KCNK2: variants seen among roughly 807,000 people sequenced by gnomAD.
KCNK2 encodes the protein potassium channel subfamily K member 2.
A neutral mutation model predicts 40.5 loss-of-function variants in KCNK2; 21 were observed. The ratio of observed to expected loss-of-function variants is 0.52; its 90% CI spans 0.37 to 0.75. KCNK2 has a LOEUF of 0.75. Ranked by LOEUF, KCNK2 falls within the 30% of genes least tolerant of loss-of-function variation. KCNK2 has a pLI of 0.00. For synonymous variants in KCNK2, 191 were observed against 202.2 expected (o/e 0.94, Z 0.47); for missense variants, 399 against 531.6 (o/e 0.75, Z 2.45).
At chr1:215,028,030 A>T (rs1214853653) in intron 1 of KCNK2, among the ~76,000 whole-genome samples, 2 of 151,944 alleles carry the variant, frequency 1.3e-5, no homozygotes, top group Admixed American at 6.6e-5. Flanking sequence ...AAAAATATTA[A>T]TTTTTTTCTT....
chr1:215,024,945 G>GTTTT (rs376087335), intron 1 of KCNK2, among the ~76,000 whole-genome samples: 1 of 82,528 alleles, frequency 1.2e-5, no homozygotes, highest in African/African-American at 3.4e-5. Flanking sequence ...ATCTACAGGA[G>GTTTT]TTTTTTTTTT....
chr1:215,082,859 G>A lies in KCNK2; in HGVS notation c.-527G>A, dbSNP rs1421270811. On this transcript the variant is annotated 5_prime_UTR_variant, in exon 1 of 7. Transcript: ENST00000444842. ...CGGGGCACGGAGGGCATTGCGGGGGGAGACACACAAAGACATGCGAAGAGG... is the reference window on the plus strand; with the variant it reads ...CGGGGCACGGAGGGCATTGCGGGGGAAGACACACAAAGACATGCGAAGAGG... Among the ~76,000 whole-genome samples the A allele has an allele frequency of 4.6e-5, 7 of 151,960 alleles. No individual in the cohort carries two copies. Among genetic ancestry groups the A allele is most frequent in the Non-Finnish European group, 7.4e-5 (5 of 67,972 alleles).
intron 2 of KCNK2, among the ~76,000 whole-genome samples, chr1:215,123,225 TA>T (rs35311919): frequency 3.5e-3 from 530 of 151,468 alleles, no homozygotes; most frequent in Middle Eastern, 0.021. Context: ...AATATGGTAA[TA>T]AAAAAAACCT....
chr1:215,175,643 C>G (rs1357736615), intron 5 of KCNK2, among the ~76,000 whole-genome samples: 1 of 151,976 alleles, frequency 6.6e-6, no homozygotes, highest in East Asian at 1.9e-4. Flanking sequence ...AACCCTTGCC[C>G]CCTTCCCTCC....
At chr1:215,226,419 G>A (rs1666387929) in intron 6 of KCNK2, among the ~76,000 whole-genome samples, 1 of 152,092 alleles carries the variant, frequency 6.6e-6, no homozygotes, top group Non-Finnish European at 1.5e-5. Context: ...TCCGCCTCCC[G>A]GGTTCAAGCG....
intron 3 of KCNK2, among the ~76,000 whole-genome samples, chr1:215,162,704 CA>C (rs982579539): frequency 6.6e-6 from 1 of 152,188 alleles, no homozygotes; most frequent in African/African-American, 2.4e-5. Context: ...TTGTTTTTGT[CA>C]GGTTTGTCAA....
At chr1:215,202,741 A>G (rs1021620741) in intron 6 of KCNK2, among the ~76,000 whole-genome samples, 5 of 152,224 alleles carry the variant, frequency 3.3e-5, no homozygotes, top group Non-Finnish European at 7.3e-5. Flanking sequence ...ATGATGTAAA[A>G]TGCACAGCTG....
At chr1:215,221,939 G>A (rs1378740601) in intron 6 of KCNK2, among the ~76,000 whole-genome samples, 1 of 152,220 alleles carries the variant, frequency 6.6e-6, no homozygotes, top group Non-Finnish European at 1.5e-5. Flanking sequence ...GGTTCTGCAG[G>A]TTGTACAGGA....
intron 6 of KCNK2, among the ~76,000 whole-genome samples, chr1:215,228,000 A>G (rs1666462005): frequency 6.6e-6 from 1 of 152,144 alleles, no homozygotes; most frequent in Admixed American, 6.5e-5. Context: ...ACTTAGGGAC[A>G]TAAGTTTGAG....
At position 215,101,831 on chromosome 1, in the gene KCNK2, A is replaced by T. The variant is rs561529651; in HGVS notation, c.357+15153A>T. On this transcript the variant is annotated intron_variant, in intron 2 of 6. Coordinates refer to ENST00000444842, the MANE Select transcript of KCNK2 (RefSeq NM_001017425.3). ...TTTGTGATGATGCTGGTGTAAAAAA[A>T]CCAACTGTACTGCTAGTCATATTAA... 3.9e-5 allele frequency among the ~76,000 whole-genome samples: 6 copies of T among 152,126 alleles called. No homozygotes were observed. The South Asian group carries it at 8.3e-4, about 21-fold the overall frequency.
intron 1 of KCNK2, among the ~76,000 whole-genome samples, chr1:215,024,454 C>G (rs539106779): frequency 6.6e-6 from 1 of 152,316 alleles, no homozygotes; most frequent in African/African-American, 2.4e-5. Flanking sequence ...CTGTATAAGC[C>G]TATGCCGTCT....
chr1:215,009,221 A>G (rs967994708), intron 1 of KCNK2, among the ~76,000 whole-genome samples: 2 of 152,066 alleles, frequency 1.3e-5, no homozygotes, highest in Admixed American at 1.3e-4. Flanking sequence ...TATTGTGTCA[A>G]TTTGTTCCAA....
intron 1 of KCNK2, among the ~76,000 whole-genome samples, chr1:215,075,003 T>C (rs1658877940): frequency 6.6e-6 from 1 of 152,216 alleles, no homozygotes; most frequent in African/African-American, 2.4e-5. Context: ...TATTCTCTGT[T>C]GGGCAAAGTT....
intron 6 of KCNK2, among the ~76,000 whole-genome samples, chr1:215,230,559 CATATAT>C (rs71167818): frequency 9.1e-6 from 1 of 109,518 alleles, no homozygotes; most frequent in South Asian, 2.9e-4. Flanking sequence ...ACATAACAGC[CATATAT>C]ATATATATAT....
chr1:215,079,429 G>C (rs1334521067), upstream of KCNK2, among the ~76,000 whole-genome samples: 1 of 152,174 alleles, frequency 6.6e-6, no homozygotes, highest in Non-Finnish European at 1.5e-5. Flanking sequence ...TGGAGCAGGA[G>C]GAAGAGAGTG....
intron 6 of KCNK2, among the ~76,000 whole-genome samples, chr1:215,209,229 A>G (rs553085083): frequency 7.7e-6 from 1 of 129,596 alleles, no homozygotes; most frequent in South Asian, 2.2e-4. Context: ...TTTTATATAT[A>G]AAATATATAT....
intron 5 of KCNK2, among the ~76,000 whole-genome samples, chr1:215,190,318 TGAG>T (rs2102659012): frequency 6.6e-6 from 1 of 152,166 alleles, no homozygotes; most frequent in East Asian, 1.9e-4. Context: ...GTGAGAACCT[TGAG>T]GAGAAGAGGC....
chr1:215,187,992 T>A (rs1282787032), intron 5 of KCNK2, among the ~76,000 whole-genome samples: 1 of 152,116 alleles, frequency 6.6e-6, no homozygotes, highest in Non-Finnish European at 1.5e-5. Flanking sequence ...GTCCTCACAT[T>A]ACCTAGTTTT....
At chr1:215,112,520 AG>A (rs1224496057) in intron 2 of KCNK2, among the ~76,000 whole-genome samples, 9 of 152,164 alleles carry the variant, frequency 5.9e-5, no homozygotes, top group Non-Finnish European at 1.3e-4. Flanking sequence ...TTGTTATTGA[AG>A]AAAGTTAGTT....
Sources: allele counts gnomAD v4.1 joint callset (sites outside exome capture counted in the v4.1 genomes callset), GRCh38; gene constraint gnomAD v4.1.1; transcripts MANE v1.5; gene names NCBI Gene and HGNC (gene_info 2026-07-23, HGNC 2026-07-21).